TNRC6B: variants seen among roughly 807,000 people sequenced by gnomAD.
TNRC6B encodes trinucleotide repeat-containing gene 6B protein.
TNRC6B carries 52 observed loss-of-function variants against 203.6 expected under a neutral mutation model. That is an observed-to-expected ratio of 0.26 (90% CI 0.20 to 0.32). The LOEUF (loss-of-function observed/expected upper bound fraction) is 0.32, where lower values mean the gene tolerates loss of function less well. Ranked by LOEUF, TNRC6B falls within the 10% of genes least tolerant of loss-of-function variation. The probability of loss-of-function intolerance (pLI) is 1.00; values close to 1 mark genes in which losing one functional copy is unlikely to be tolerated. For missense variants in TNRC6B, 1,923 were observed against 2,286.2 expected (o/e 0.84, Z 3.24); for synonymous variants, 838 against 845.7 (o/e 0.99, Z 0.16).
chr22:40,156,151 A>G, exon 4 of TNRC6B: 12 of 1,581,616 alleles, frequency 7.6e-6, no homozygotes, highest in Non-Finnish European at 1.0e-5. Context: ...AGGGCATGGC[A>G]AGACTCCACC....
At chr22:40,060,098 G>C (rs1274192437) in intron 1 of TNRC6B, among the ~76,000 whole-genome samples, 3 of 150,684 alleles carry the variant, frequency 2.0e-5, no homozygotes, top group Non-Finnish European at 4.4e-5. Context: ...CAAAAGTGCT[G>C]GGATTTCAGG....
Position 40,325,128 on chromosome 22 carries a change from A to G in TNRC6B, c.*1887A>G, listed in dbSNP as rs894646964. On this transcript the variant is annotated 3_prime_UTR_variant, in exon 23 of 23. Coordinates refer to ENST00000454349, the MANE Select transcript of TNRC6B (RefSeq NM_001162501.2). Reference sequence around the variant, plus strand: ...ACATAAAGTGCCGACATTTTGTACCAGCAAATACCTGCCCATTCCAACCCT... The same window carrying G: ...ACATAAAGTGCCGACATTTTGTACCGGCAAATACCTGCCCATTCCAACCCT... 5 of 152,638 alleles carry G rather than the reference A, an allele frequency of 3.3e-5. No homozygotes were observed. The highest frequency in any genetic ancestry group is 1.2e-4 in the African/African-American group (5 of 41,450). 9.5% of individuals were successfully genotyped at this position (152,638 alleles called of 1,614,324 possible).
At chr22:40,215,933 G>C (rs2069628948) in intron 1 of TNRC6B, among the ~76,000 whole-genome samples, 1 of 152,172 alleles carries the variant, frequency 6.6e-6, no homozygotes, top group Non-Finnish European at 1.5e-5. Context: ...ATGTAAATCT[G>C]ATATTCCTCC....
At chr22:40,106,586 C>T in intron 1 of TNRC6B, 1 of 727,498 alleles carries the variant, frequency 1.4e-6, no homozygotes, top group East Asian at 2.5e-5. Context: ...ACTGAATTCT[C>T]CATAACCACG....
intron 19 of TNRC6B, 143 bp downstream of exon 19, chr22:40,313,140 T>C (rs1413074425): frequency 7.5e-6 from 5 of 662,396 alleles, no homozygotes; most frequent in Non-Finnish European, 1.3e-5. Context: ...AAGCACATCT[T>C]TTCTGTTTGC....
chr22:40,244,329 A>C (rs1421958979), intron 1 of TNRC6B, among the ~76,000 whole-genome samples: 1 of 152,176 alleles, frequency 6.6e-6, no homozygotes, highest in Admixed American at 6.5e-5. Context: ...ATTTCAGTAA[A>C]ATCTCCTCCT....
intron 4 of TNRC6B, among the ~76,000 whole-genome samples, chr22:40,170,763 G>T (rs1395683135): frequency 8.3e-6 from 1 of 120,008 alleles, no homozygotes; most frequent in Non-Finnish European, 1.7e-5. Flanking sequence ...ATATATGTGT[G>T]TATATATACA....
chr22:40,315,345 C>G lies in TNRC6B; in HGVS notation c.4741C>G (p.Leu1581Val), dbSNP rs769125215. The stretch of plus-strand genomic sequence containing the variant: ...TCCCATAGGACACAACCCCACTCAT[C>G]TCTCCAACAAGATGTGGAAAAACCA... ...PDPIGHNPTH[L>V]SNKMWKNHIS... Residue 1581 changes from leucine to valine, a missense_variant, in exon 20 of 23, where the codon CTC becomes GTC. This residue lies in a region of TNRC6B where 159 missense variants were observed against 181.0 expected (regional missense o/e 0.88). Transcript: ENST00000454349. The G allele has an allele frequency of 1.2e-6, 2 of 1,614,024 alleles. No homozygotes were observed. Among genetic ancestry groups the G allele is most frequent in the East Asian group, 4.5e-5 (2 of 44,890 alleles).
At chr22:40,177,734 A>C (rs1274032466), upstream of TNRC6B, among the ~76,000 whole-genome samples, 1 of 152,218 alleles carries the variant, frequency 6.6e-6, no homozygotes, top group Non-Finnish European at 1.5e-5. Context: ...TGCTGTTGCC[A>C]CTTTCACATG....
At chr22:40,279,912 G>T in intron 9 of TNRC6B, 83 bp from the exon 10 acceptor site, 10 of 1,235,234 alleles carry the variant, frequency 8.1e-6, no homozygotes, top group Non-Finnish European at 1.2e-5. Context: ...GCACCCCCAT[G>T]AGGATAGTGG....
At chr22:40,277,722 A>C (rs1037687659) in intron 8 of TNRC6B, among the ~76,000 whole-genome samples, 1 of 152,182 alleles carries the variant, frequency 6.6e-6, no homozygotes, top group Non-Finnish European at 1.5e-5. Context: ...GAACTTAAGG[A>C]CGGGGGTTTA....
At chr22:40,102,168 C>G (rs1231962407) in intron 1 of TNRC6B, among the ~76,000 whole-genome samples, 1 of 152,088 alleles carries the variant, frequency 6.6e-6, no homozygotes, top group African/African-American at 2.4e-5. Flanking sequence ...ACATTATATA[C>G]TATGCTTTCT....
exon 1 of TNRC6B, chr22:40,044,902 C>T (rs1423533610): frequency 1.3e-5 from 2 of 152,502 alleles, no homozygotes; most frequent in Admixed American, 6.5e-5. Flanking sequence ...CCTCAGTCCC[C>T]CCTACGACGT....
At chr22:40,103,290 C>A (rs1438465228) in intron 1 of TNRC6B, among the ~76,000 whole-genome samples, 1 of 150,852 alleles carries the variant, frequency 6.6e-6, no homozygotes, top group Admixed American at 6.6e-5. Flanking sequence ...AAAGTCTATA[C>A]AGTTGTACCA....
chr22:40,225,083 A>G (rs1280457633), intron 1 of TNRC6B, among the ~76,000 whole-genome samples: 4 of 152,216 alleles, frequency 2.6e-5, no homozygotes, highest in Non-Finnish European at 4.4e-5. Flanking sequence ...AATTTGCCCA[A>G]GCTCCTACCA....
chr22:40,098,384 C>CAA (rs1056495905), intron 1 of TNRC6B, among the ~76,000 whole-genome samples: 535 of 50,554 alleles, frequency 0.011, 28 homozygotes, highest in East Asian at 0.024. Flanking sequence ...GACTCCGTCT[C>CAA]AAAAAAAAAA....
chr22:40,217,278 A>C (rs138024), intron 1 of TNRC6B, among the ~76,000 whole-genome samples: 48,725 of 152,146 alleles, frequency 0.32, 9,584 homozygotes, highest in East Asian at 0.57. Context: ...TGTTTTGTTG[A>C]AGTTGGATTT....
At chr22:40,321,990 C>G (rs1219999836) in intron 22 of TNRC6B, among the ~76,000 whole-genome samples, 1 of 152,116 alleles carries the variant, frequency 6.6e-6, no homozygotes, top group African/African-American at 2.4e-5. Context: ...GAAGACCTGA[C>G]TGCCCTTGGC....
intron 21 of TNRC6B, among the ~76,000 whole-genome samples, chr22:40,318,479 G>A (rs1350310931): frequency 5.9e-5 from 9 of 152,058 alleles, no homozygotes; most frequent in Non-Finnish European, 1.0e-4. Flanking sequence ...TCTGGGAGGC[G>A]GAGCTTGGAG....
Sources: gnomAD v4.1 joint callset for allele counts (sites outside exome capture counted in the v4.1 genomes callset) on GRCh38, gnomAD v4.1.1 for gene constraint, gnomAD v4.1.1 regional missense constraint, MANE v1.5 for transcripts, NCBI Gene and HGNC (gene_info 2026-07-23, HGNC 2026-07-21) for gene names.